Variants in PRKCE observed in about 807,000 individuals in gnomAD.
PRKCE encodes the protein protein kinase C epsilon type.
Under a neutral mutation model 85.4 loss-of-function variants are expected in PRKCE, and 16 were observed. The observed-to-expected ratio is 0.19, with a 90% CI of 0.13 to 0.28. The LOEUF is 0.28. Ranked by LOEUF, PRKCE falls within the 10% of genes least tolerant of loss-of-function variation. PRKCE has a pLI of 1.00. For synonymous variants in PRKCE, 388 were observed against 371.5 expected, an observed-to-expected ratio of 1.04 and a Z score of -0.51; for missense variants, 573 against 975.2, an observed-to-expected ratio of 0.59 and a Z score of 5.49.
chr2:45,920,640 A>G (rs940863741), intron 2 of PRKCE, among the ~76,000 whole-genome samples: 5 of 152,188 alleles, frequency 3.3e-5, no homozygotes, highest in African/African-American at 7.2e-5. Flanking sequence ...AAAAGACCAC[A>G]TATTGTATGA....
rs539254570 is a variant in PRKCE, at chr2:45,694,887, T to A, written c.348+42439T>A. On this transcript the variant is annotated intron_variant, in intron 1 of 14. Coordinates refer to ENST00000306156, the MANE Select transcript of PRKCE (RefSeq NM_005400.3). The stretch of plus-strand genomic sequence containing the variant: ...AGGCTGAGTAGTGTGGGCTTTTTCC[T>A]GAGAGTGGCTGAGAGCTACTAGAAG... Among the ~76,000 whole-genome samples the A allele has an allele frequency of 1.1e-4, 17 of 152,282 alleles. No individual in the cohort carries two copies. In the South Asian group the frequency reaches 3.5e-3, roughly 32 times the overall value.
At chr2:46,098,534 A>T (rs1670920881) in intron 11 of PRKCE, among the ~76,000 whole-genome samples, 1 of 151,582 alleles carries the variant, frequency 6.6e-6, no homozygotes, top group Non-Finnish European at 1.5e-5. Flanking sequence ...GCTAGTTAGT[A>T]AACTGATGAA....
chr2:45,978,291 G>T (rs1702616367), intron 3 of PRKCE: 4 of 152,418 alleles, frequency 2.6e-5, no homozygotes, highest in Middle Eastern at 3.4e-3. Flanking sequence ...AATAGCTTCT[G>T]GTTCCCACTG....
intron 2 of PRKCE, among the ~76,000 whole-genome samples, chr2:45,956,202 T>A (rs1700965098): frequency 6.6e-6 from 1 of 152,206 alleles, no homozygotes; most frequent in Admixed American, 6.5e-5. Context: ...CACCAATTTG[T>A]TTGGTTGTCC....
chr2:45,653,370 GTT>G (rs34888247), intron 1 of PRKCE, among the ~76,000 whole-genome samples: 346 of 61,452 alleles, frequency 5.6e-3, no homozygotes, highest in Middle Eastern at 0.042. Context: ...TTTTTGGGTT[GTT>G]TTTTTTTTTT....
intron 2 of PRKCE, among the ~76,000 whole-genome samples, chr2:45,924,755 C>T (rs1573898853): frequency 6.6e-6 from 1 of 152,330 alleles, no homozygotes; most frequent in East Asian, 1.9e-4. Flanking sequence ...TATGTCTTTT[C>T]GTCTATACTT....
chr2:45,982,001 C>T lies in PRKCE; in HGVS notation c.693+1620C>T, dbSNP rs113396743. Among the ~76,000 whole-genome samples, 487 of 152,326 alleles carry T rather than the reference C, an allele frequency of 3.2e-3. 1 individual carries two copies. Among genetic ancestry groups the T allele is most frequent in the African/African-American group, 0.011 (450 of 41,574 alleles). ...GACCCAGTTCTTCTGACTGTCTTTCCTGGCATATTGAGCAGTGAGAAGAAG... is the reference window on the plus strand; with the variant it reads ...GACCCAGTTCTTCTGACTGTCTTTCTTGGCATATTGAGCAGTGAGAAGAAG... On this transcript the variant is annotated intron_variant, in intron 5 of 14. Transcript: ENST00000306156.
intron 11 of PRKCE, among the ~76,000 whole-genome samples, chr2:46,100,099 G>A (rs1233394306): frequency 6.6e-6 from 1 of 152,176 alleles, no homozygotes; most frequent in Non-Finnish European, 1.5e-5. Flanking sequence ...TCCTAAGATT[G>A]TTTGGTCTGG....
intron 1 of PRKCE, among the ~76,000 whole-genome samples, chr2:45,775,050 G>A (rs1196279845): frequency 6.6e-6 from 1 of 152,174 alleles, no homozygotes; most frequent in Non-Finnish European, 1.5e-5. Context: ...GGTTGAATTG[G>A]TTCCCAAGGG....
chr2:46,061,824 A>ATTTCTTTTCTTTTCTTTTCT (rs529400456), intron 10 of PRKCE, among the ~76,000 whole-genome samples: 5 of 129,296 alleles, frequency 3.9e-5, no homozygotes, highest in Admixed American at 1.7e-4. Flanking sequence ...TACGTTAAGT[A>ATTTCTTTTCTTTTCTTTTCT]TTTCTTTTCT....
intron 2 of PRKCE, among the ~76,000 whole-genome samples, chr2:45,959,073 A>G (rs78579262): frequency 9.1e-4 from 138 of 151,850 alleles, no homozygotes; most frequent in African/African-American, 3.2e-3. Flanking sequence ...GTTCTTAGCT[A>G]GAAATCAACT....
intron 1 of PRKCE, among the ~76,000 whole-genome samples, chr2:45,793,418 C>A (rs910024475): frequency 1.3e-5 from 2 of 152,128 alleles, no homozygotes; most frequent in Non-Finnish European, 2.9e-5. Flanking sequence ...AAAAATTATA[C>A]CCAGACTCCC....
At chr2:46,097,284 C>T (rs932820478) in intron 11 of PRKCE, among the ~76,000 whole-genome samples, 1 of 152,044 alleles carries the variant, frequency 6.6e-6, no homozygotes, top group Non-Finnish European at 1.5e-5. Flanking sequence ...TTTGGGAGGC[C>T]GAGGTGGGTG....
chr2:46,146,853 T>A (rs900355485), intron 12 of PRKCE, among the ~76,000 whole-genome samples: 2 of 152,224 alleles, frequency 1.3e-5, no homozygotes, highest in African/African-American at 4.8e-5. Context: ...GATCATAGGG[T>A]TTCCTGGTGC....
At chr2:45,670,673 T>C (rs1389781091) in intron 1 of PRKCE, among the ~76,000 whole-genome samples, 3 of 152,178 alleles carry the variant, frequency 2.0e-5, no homozygotes, top group African/African-American at 7.2e-5. Flanking sequence ...TTCCCTGCAC[T>C]CAATAAACTT....
At chr2:45,876,738 A>G (rs13400225) in intron 2 of PRKCE, among the ~76,000 whole-genome samples, 77,175 of 152,116 alleles carry the variant, frequency 0.51, 22,531 homozygotes, top group East Asian at 0.97. Flanking sequence ...CTCATTCTTT[A>G]TATTTTACCT....
intron 2 of PRKCE, among the ~76,000 whole-genome samples, chr2:45,884,158 G>A (rs988609751): frequency 1.1e-4 from 17 of 152,226 alleles, no homozygotes; most frequent in East Asian, 5.8e-4. Context: ...TTCAGGTGGA[G>A]GGGAAAGTCT....
chr2:45,786,136 G>A lies in PRKCE; in HGVS notation c.349-56864G>A, dbSNP rs1177986504. Reference sequence around the variant, plus strand: ...CCTGCTGGGGATCTTTATTTGAAATGAGCAATGTATTATTAGCAAGGGGCA... The same window carrying A: ...CCTGCTGGGGATCTTTATTTGAAATAAGCAATGTATTATTAGCAAGGGGCA... On this transcript the variant is annotated intron_variant, in intron 1 of 14. Transcript: ENST00000306156. This position sits in a 1 kb window ranked among gnomAD's most constrained non-coding sequence, Gnocchi z 5.3. 3.3e-5 allele frequency among the ~76,000 whole-genome samples: 5 copies of A among 152,174 alleles called. No individual in the cohort carries two copies. The highest frequency in any genetic ancestry group is 1.5e-5 in the Non-Finnish European group (1 of 68,036).
intron 1 of PRKCE, among the ~76,000 whole-genome samples, chr2:45,772,148 G>T (rs1685388715): frequency 6.6e-6 from 1 of 152,164 alleles, no homozygotes; most frequent in South Asian, 2.1e-4. Flanking sequence ...TTAGCACCCA[G>T]ACATGCTGGT....
Sources: gnomAD v4.1 joint callset for allele counts (sites outside exome capture counted in the v4.1 genomes callset) on GRCh38, gnomAD v4.1.1 for gene constraint, Gnocchi (gnomAD v3.1) non-coding constraint, MANE v1.5 for transcripts, NCBI Gene and HGNC (gene_info 2026-07-23, HGNC 2026-07-21) for gene names.